TMEM232: variants seen among roughly 807,000 people sequenced by gnomAD.
The protein encoded by TMEM232 is transmembrane protein 232.
In TMEM232, 80 loss-of-function variants were observed where a neutral mutation model predicts 78.8. The observed-to-expected ratio is 1.01, with a 90% CI of 0.85 to 1.22. The LOEUF (loss-of-function observed/expected upper bound fraction) is 1.22, where lower values mean the gene tolerates loss of function less well. Ranked by LOEUF, TMEM232 falls within the 50% of genes most tolerant of loss-of-function variation. The pLI, the probability that TMEM232 is intolerant of heterozygous loss-of-function variation, is 0.00. For synonymous variants in TMEM232, 297 were observed against 254.3 expected, an observed-to-expected ratio of 1.17 and a Z score of -1.60; for missense variants, 881 against 742.2, an observed-to-expected ratio of 1.19 and a Z score of -2.17.
intron 12 of TMEM232, among the ~76,000 whole-genome samples, chr5:110,499,646 C>T (rs115455008): frequency 0.046 from 6,673 of 144,846 alleles, 570 homozygotes; most frequent in African/African-American, 0.17. Flanking sequence ...CACACACACA[C>T]ATATATATAT....
intron 11 of TMEM232, among the ~76,000 whole-genome samples, chr5:110,560,253 C>T (rs559120330): frequency 6.6e-6 from 1 of 151,966 alleles, no homozygotes; most frequent in South Asian, 2.1e-4. Context: ...TCTTCCATAC[C>T]CAATACTAGA....
At chr5:110,412,968 C>T (rs1442832873) in intron 2 of TMEM232, among the ~76,000 whole-genome samples, 3 of 152,134 alleles carry the variant, frequency 2.0e-5, no homozygotes, top group African/African-American at 7.2e-5. Context: ...ATTTCTACTA[C>T]TCTTAGTAAA....
chr5:110,420,729 T>C lies in TMEM232; in HGVS notation c.1825A>G (p.Lys609Glu). 2 of 1,524,658 alleles carry C rather than the reference T, an allele frequency of 1.3e-6. No individual in the cohort carries two copies. The highest frequency in any genetic ancestry group is 1.7e-6 in the Non-Finnish European group (2 of 1,143,706). 94.4% of individuals were successfully genotyped at this position (1,524,658 alleles called of 1,614,324 possible). A position where few individuals can be genotyped will look rare whatever the true frequency, so the allele number is the denominator to read the frequency against. The change falls in exon 14 of 14, where the codon AAA becomes GAA. Residue 609 changes from lysine (K) to glutamate (E), a missense_variant. Physicochemically the swap from Lys to Glu is moderately conservative, Grantham distance 56. Transcript: ENST00000455884. ...TGGGCCTTGCATATTGCATCTTCTT[T>C]TTCTCGGATCTTTAGCTCTTCCTGC... ...HWQEELKIREKEDAICKAQEL... is the reference protein window; with the variant it reads ...HWQEELKIREEEDAICKAQEL...
At chr5:110,610,216 AAGGG>A (rs201558597) in intron 8 of TMEM232, among the ~76,000 whole-genome samples, 2 of 131,632 alleles carry the variant, frequency 1.5e-5, no homozygotes, top group South Asian at 2.5e-4. Flanking sequence ...GGAAGGAAGG[AAGGG>A]AGGGAGGGAA....
chr5:110,535,546 G>A (rs28513372), intron 11 of TMEM232, among the ~76,000 whole-genome samples: 19,414 of 152,094 alleles, frequency 0.13, 3,269 homozygotes, highest in African/African-American at 0.39. Context: ...GTTTTACACA[G>A]TAAATGTATA....
At chr5:110,667,067 G>A (rs984356122) in intron 2 of TMEM232, among the ~76,000 whole-genome samples, 161 bp downstream of exon 2, 1 of 151,902 alleles carries the variant, frequency 6.6e-6, no homozygotes, top group Admixed American at 6.6e-5. Flanking sequence ...CAAAATTTTA[G>A]AAAGCACATA....
chr5:110,684,978 G>A (rs1793211331), intron 1 of TMEM232: 1 of 151,926 alleles, frequency 6.6e-6, no homozygotes, highest in Non-Finnish European at 1.5e-5. Flanking sequence ...ATGTCTTAAC[G>A]AATTGCAAAA....
intron 12 of TMEM232, among the ~76,000 whole-genome samples, chr5:110,454,495 T>C (rs1367692027): frequency 6.7e-6 from 1 of 149,794 alleles, no homozygotes; most frequent in African/African-American, 2.5e-5. Flanking sequence ...ACTCTGTCTC[T>C]AAGGAAAAAA....
chr5:110,466,234 T>C (rs942699504), intron 12 of TMEM232, among the ~76,000 whole-genome samples: 6 of 152,226 alleles, frequency 3.9e-5, no homozygotes, highest in South Asian at 2.1e-4. Context: ...CTTTCTAATG[T>C]AGATTCACAT....
At chr5:110,403,894 G>A (rs2112572449) in intron 2 of TMEM232, among the ~76,000 whole-genome samples, 1 of 151,958 alleles carries the variant, frequency 6.6e-6, no homozygotes, top group South Asian at 2.1e-4. Flanking sequence ...GAGCAGCATT[G>A]GTTATAACTT....
intron 12 of TMEM232, among the ~76,000 whole-genome samples, chr5:110,437,451 T>C (rs1758564474): frequency 6.6e-6 from 1 of 152,020 alleles, no homozygotes; most frequent in Non-Finnish European, 1.5e-5. Flanking sequence ...GAATTAAACA[T>C]TTCAAGATAG....
At chr5:110,597,433 A>G (rs1780307629) in intron 10 of TMEM232, among the ~76,000 whole-genome samples, 1 of 152,204 alleles carries the variant, frequency 6.6e-6, no homozygotes, top group African/African-American at 2.4e-5. Flanking sequence ...AAATGGCCAT[A>G]CTGCCCAAGG....
chr5:110,607,865 G>A (rs751878100), intron 8 of TMEM232, among the ~76,000 whole-genome samples: 7 of 151,866 alleles, frequency 4.6e-5, no homozygotes, highest in Non-Finnish European at 7.4e-5. Flanking sequence ...ATAAGGCACA[G>A]CAGCCTTCTT....
At chr5:110,631,751 G>A (rs2149974258) in intron 5 of TMEM232, among the ~76,000 whole-genome samples, 1 of 152,192 alleles carries the variant, frequency 6.6e-6, no homozygotes, top group South Asian at 2.1e-4. Context: ...TGGGGCTGTA[G>A]GTGAAGACTG....
At chr5:110,612,908 T>C (rs1179673349) in intron 8 of TMEM232, among the ~76,000 whole-genome samples, 1 of 152,152 alleles carries the variant, frequency 6.6e-6, no homozygotes, top group East Asian at 1.9e-4. Context: ...TAGTGCCGTT[T>C]ATAAAAGGCC....
chr5:110,733,153 T>C (rs1798835683), intron 2 of TMEM232, among the ~76,000 whole-genome samples: 1 of 152,098 alleles, frequency 6.6e-6, no homozygotes, highest in South Asian at 2.1e-4. Flanking sequence ...GAATGGCTAT[T>C]ATTAAAAAGT....
At chr5:110,566,317 C>T (rs1435388138) in intron 11 of TMEM232, among the ~76,000 whole-genome samples, 1 of 151,910 alleles carries the variant, frequency 6.6e-6, no homozygotes, top group Non-Finnish European at 1.5e-5. Flanking sequence ...GTCCTGGACA[C>T]ATTTTCCCTT....
chr5:110,472,160 CA>C (rs1174952730), intron 12 of TMEM232, among the ~76,000 whole-genome samples: 1 of 151,642 alleles, frequency 6.6e-6, no homozygotes, highest in Non-Finnish European at 1.5e-5. Flanking sequence ...AAAGACTCCA[CA>C]AAAAACTATT....
intron 2 of TMEM232, among the ~76,000 whole-genome samples, chr5:110,407,391 T>G (rs73782464): frequency 6.6e-6 from 1 of 152,048 alleles, no homozygotes; most frequent in African/African-American, 2.4e-5. Flanking sequence ...ATTCATATCA[T>G]ATATATAAAC....
Sources: allele counts gnomAD v4.1 joint callset (sites outside exome capture counted in the v4.1 genomes callset), GRCh38; gene constraint gnomAD v4.1.1; transcripts MANE v1.5; gene names NCBI Gene and HGNC (gene_info 2026-07-23, HGNC 2026-07-21).